Variants in LRRC8B observed in about 807,000 individuals in gnomAD.
LRRC8B encodes leucine rich repeat containing 8 VRAC subunit B.
In LRRC8B, 23 loss-of-function variants were observed where a neutral mutation model predicts 58.8. The ratio of observed to expected loss-of-function variants is 0.39; its 90% CI spans 0.28 to 0.55. The LOEUF (loss-of-function observed/expected upper bound fraction) is 0.55. Among genes scored for constraint, LRRC8B ranks in the 20% least tolerant of loss-of-function variants. The pLI, the probability that LRRC8B is intolerant of heterozygous loss-of-function variation, is 0.62. For missense variants in LRRC8B, 694 were observed against 936.0 expected (o/e 0.74, Z 3.37); for synonymous variants, 359 against 374.1 (o/e 0.96, Z 0.47).
rs925191361 is a variant in LRRC8B, at chr1:89,524,949, C to G, written c.-314C>G. 1 of 152,082 alleles carries G rather than the reference C, an allele frequency of 6.6e-6. No individual in the cohort carries two copies. Among genetic ancestry groups the G allele is most frequent in the Non-Finnish European group, 1.5e-5 (1 of 68,052 alleles). The allele number at this position is 152,082 out of a possible 1,614,324, so 9.4% of individuals were successfully genotyped here. On this transcript the variant is annotated 5_prime_UTR_variant, in exon 1 of 6. Transcript: ENST00000330947. ...AGCCGGGAAAGTGCGGGCGCGGGGC[C>G]GCAGCCTGCCCGCCCGGAGCGGCCC...
intron 1 of LRRC8B, among the ~76,000 whole-genome samples, chr1:89,539,880 A>T (rs899557013): frequency 6.6e-6 from 1 of 152,200 alleles, no homozygotes; most frequent in East Asian, 1.9e-4. Flanking sequence ...GGGGCCATTG[A>T]ACTTTTAAAA....
At chr1:89,564,162 G>A (rs1652870784) in intron 1 of LRRC8B, among the ~76,000 whole-genome samples, 1 of 152,158 alleles carries the variant, frequency 6.6e-6, no homozygotes, top group South Asian at 2.1e-4. Context: ...GTTGGTAAAT[G>A]TTTCTTCATA....
intron 3 of LRRC8B, among the ~76,000 whole-genome samples, chr1:89,568,694 C>A (rs1166781356): frequency 6.6e-6 from 1 of 152,052 alleles, no homozygotes; most frequent in Non-Finnish European, 1.5e-5. Flanking sequence ...GTAAAAATGT[C>A]ATCTTCCTAC....
At chr1:89,571,254 CA>C (rs1193770165) in intron 3 of LRRC8B, among the ~76,000 whole-genome samples, 1 of 152,088 alleles carries the variant, frequency 6.6e-6, no homozygotes, top group African/African-American at 2.4e-5. Flanking sequence ...TGAAGAATTT[CA>C]ATGGTAGTTT....
chr1:89,549,267 T>G (rs1651637427), intron 1 of LRRC8B, among the ~76,000 whole-genome samples: 1 of 152,198 alleles, frequency 6.6e-6, no homozygotes, highest in African/African-American at 2.4e-5. Context: ...CTATCAAAGC[T>G]AGCAAAGAGA....
chr1:89,541,274 A>G (rs1330592201), intron 1 of LRRC8B, among the ~76,000 whole-genome samples: 1 of 152,166 alleles, frequency 6.6e-6, no homozygotes, highest in African/African-American at 2.4e-5. Flanking sequence ...TAGAGGTTGT[A>G]TTTGTGAGGA....
At position 89,582,662 on chromosome 1, in the gene LRRC8B, A is replaced by G; in HGVS notation, c.12A>G (p.Leu4=). The G allele has an allele frequency of 6.2e-7, 1 of 1,612,684 alleles. No homozygotes were observed. Among genetic ancestry groups the G allele is most frequent in the Middle Eastern group, 1.7e-4 (1 of 6,004 alleles). ...TACAAGGGAAAGTCATGATTACACTAACTGAGCTAAAATGCTTAGCAGATG... is the reference window on the plus strand; with the variant it reads ...TACAAGGGAAAGTCATGATTACACTGACTGAGCTAAAATGCTTAGCAGATG... MIT[L]TELKCLADAQ... is the part of the protein sequence containing the mutation. The change falls in exon 5 of 6, where the codon CTA becomes CTG. Residue 4 remains leucine, a synonymous_variant. Transcript: ENST00000330947.
At chr1:89,578,424 G>A (rs1169197701) in intron 3 of LRRC8B, among the ~76,000 whole-genome samples, 1 of 132,612 alleles carries the variant, frequency 7.5e-6, no homozygotes, top group Non-Finnish European at 1.8e-5. Flanking sequence ...CTTGTGAATT[G>A]TGAATGAGAA....
intron 1 of LRRC8B, among the ~76,000 whole-genome samples, chr1:89,565,345 T>C (rs1652970244): frequency 6.6e-6 from 1 of 152,210 alleles, no homozygotes; most frequent in African/African-American, 2.4e-5. Flanking sequence ...CTGTGGCATT[T>C]ATCCAGTGTC....
At chr1:89,577,653 C>T (rs981091769) in intron 3 of LRRC8B, among the ~76,000 whole-genome samples, 3 of 152,148 alleles carry the variant, frequency 2.0e-5, no homozygotes, top group Non-Finnish European at 2.9e-5. Flanking sequence ...TCATTTTATA[C>T]ATAGGAATGC....
intron 1 of LRRC8B, among the ~76,000 whole-genome samples, chr1:89,539,853 AT>A (rs1650823644): frequency 6.6e-6 from 1 of 152,220 alleles, no homozygotes; most frequent in African/African-American, 2.4e-5. Context: ...AACTTGCAAT[AT>A]TTGCTCCTGG....
intron 1 of LRRC8B, among the ~76,000 whole-genome samples, chr1:89,542,540 G>C (rs1333952966): frequency 6.6e-6 from 1 of 152,130 alleles, no homozygotes; most frequent in African/African-American, 2.4e-5. Flanking sequence ...ATGAATCCAT[G>C]TTTAGCCTGT....
intron 1 of LRRC8B, among the ~76,000 whole-genome samples, chr1:89,546,084 A>T (rs1346927197): frequency 1.3e-5 from 2 of 152,080 alleles, no homozygotes; most frequent in Non-Finnish European, 2.9e-5. Context: ...TTTAATAAAA[A>T]TGGTATATTA....
chr1:89,564,191 A>G (rs1319333133), intron 1 of LRRC8B, among the ~76,000 whole-genome samples: 1 of 152,196 alleles, frequency 6.6e-6, no homozygotes, highest in Non-Finnish European at 1.5e-5. Context: ...TGCAAGCAGG[A>G]TGTACCCTTG....
intron 1 of LRRC8B, among the ~76,000 whole-genome samples, chr1:89,531,398 T>C (rs1650121002): frequency 6.6e-6 from 1 of 152,206 alleles, no homozygotes; most frequent in Non-Finnish European, 1.5e-5. Context: ...TGGTTAATGC[T>C]TATATACCAT....
chr1:89,580,395 T>G (rs1654131760), intron 4 of LRRC8B, among the ~76,000 whole-genome samples: 1 of 152,224 alleles, frequency 6.6e-6, no homozygotes, highest in South Asian at 2.1e-4. Context: ...ATAATCAGTA[T>G]TTCAGCGTAA....
chr1:89,586,232 A>G (rs768819960), intron 5 of LRRC8B, among the ~76,000 whole-genome samples: 4 of 152,194 alleles, frequency 2.6e-5, no homozygotes, highest in Non-Finnish European at 4.4e-5. Context: ...AAGAGTTTGC[A>G]TTTCTAAGAA....
At chr1:89,569,283 A>C (rs940270436) in intron 3 of LRRC8B, among the ~76,000 whole-genome samples, 1 of 152,144 alleles carries the variant, frequency 6.6e-6, no homozygotes, top group South Asian at 2.1e-4. Flanking sequence ...TGACTCTTTG[A>C]GTTAACTATA....
intron 1 of LRRC8B, among the ~76,000 whole-genome samples, chr1:89,559,742 CCTA>C (rs1415209539): frequency 6.6e-6 from 1 of 152,058 alleles, no homozygotes; most frequent in African/African-American, 2.4e-5. Flanking sequence ...GGTGAAGCAT[CCTA>C]CTTATTTGTA....
Sources: allele counts gnomAD v4.1 joint callset (sites outside exome capture counted in the v4.1 genomes callset), GRCh38; gene constraint gnomAD v4.1.1; transcripts MANE v1.5; gene names NCBI Gene and HGNC (gene_info 2026-07-23, HGNC 2026-07-21).